The following DNER variants were observed in gnomAD, a reference collection of about 807,000 sequenced individuals.
The protein encoded by DNER is delta/notch like EGF repeat containing, also known as delta and Notch-like epidermal growth factor-related receptor.
In DNER, 33 loss-of-function variants were observed where a neutral mutation model predicts 78.2. That is an observed-to-expected ratio of 0.42 (90% CI 0.32 to 0.56). The LOEUF is 0.56. DNER is among the 20% of genes least tolerant of loss of function. DNER has a pLI of 0.11. For synonymous variants in DNER, 417 were observed against 384.8 expected, an observed-to-expected ratio of 1.08 and a Z score of -0.98; for missense variants, 918 against 975.3, an observed-to-expected ratio of 0.94 and a Z score of 0.78.
At chr2:229,521,720 A>G (rs1466538893) in intron 5 of DNER, among the ~76,000 whole-genome samples, 2 of 152,218 alleles carry the variant, frequency 1.3e-5, no homozygotes, top group Non-Finnish European at 2.9e-5. Context: ...TGAGAATTCC[A>G]TGTATAATGT....
chr2:229,465,361 A>G lies in DNER; in HGVS notation c.1261+11779T>C, dbSNP rs77090700. On this transcript the variant is annotated intron_variant, in intron 7 of 12. Coordinates refer to ENST00000341772, the MANE Select transcript of DNER (RefSeq NM_139072.4). ...GACCAAGCACCACATATTCTCACTT[A>G]TAAGTGGGAGCTGAGCAATGAGAAC... Among the ~76,000 whole-genome samples the G allele has an allele frequency of 5.5e-3, 840 of 152,316 alleles. 10 individuals are homozygous for G. The highest frequency in any genetic ancestry group is 0.019 in the African/African-American group (789 of 41,566).
chr2:229,389,130 T>G (rs898734727), intron 10 of DNER, among the ~76,000 whole-genome samples: 5 of 151,988 alleles, frequency 3.3e-5, no homozygotes, highest in Admixed American at 2.6e-4. Context: ...TGAGAAATGG[T>G]GGTCCAAGGG....
At chr2:229,542,397 C>A (rs112533189) in intron 5 of DNER, among the ~76,000 whole-genome samples, 1,894 of 152,290 alleles carry the variant, frequency 0.012, 39 homozygotes, top group Middle Eastern at 0.048. Context: ...AGCTTTATCA[C>A]AAACCACCCA....
At chr2:229,442,344 T>C (rs1694252212) in intron 8 of DNER, among the ~76,000 whole-genome samples, 1 of 152,060 alleles carries the variant, frequency 6.6e-6, no homozygotes, top group Admixed American at 6.5e-5. Flanking sequence ...TGAAACCCCA[T>C]CTTTACTAAA....
chr2:229,557,513 C>T (rs1323621511), intron 4 of DNER, among the ~76,000 whole-genome samples: 1 of 152,070 alleles, frequency 6.6e-6, no homozygotes, highest in African/African-American at 2.4e-5. Context: ...ACCTGCATTC[C>T]CATGGTCTTT....
chr2:229,520,644 T>TA (rs1696076980), intron 5 of DNER, among the ~76,000 whole-genome samples: 1 of 152,170 alleles, frequency 6.6e-6, no homozygotes, highest in African/African-American at 2.4e-5. Context: ...AGAATCTGGC[T>TA]AAGTACCAAG....
chr2:229,422,972 G>A (rs1574836689), intron 8 of DNER, among the ~76,000 whole-genome samples: 2 of 152,110 alleles, frequency 1.3e-5, no homozygotes, highest in South Asian at 4.1e-4. Flanking sequence ...AGGCTCTAAT[G>A]AGCAAGAATG....
intron 11 of DNER, among the ~76,000 whole-genome samples, chr2:229,369,458 A>G (rs1310246800): frequency 6.6e-6 from 1 of 152,054 alleles, no homozygotes; most frequent in Non-Finnish European, 1.5e-5. Flanking sequence ...AAGTCAAAAA[A>G]AAAGTTTCAA....
At chr2:229,520,093 T>C (rs1696064559) in intron 5 of DNER, among the ~76,000 whole-genome samples, 1 of 152,206 alleles carries the variant, frequency 6.6e-6, no homozygotes, top group African/African-American at 2.4e-5. Flanking sequence ...CCTTGATGTC[T>C]GAGACTCTAG....
In DNER at chr2:229,396,283, C is replaced by G. The variant is rs1693138865; in HGVS notation, c.1724-7887G>C. Among the ~76,000 whole-genome samples the G allele has an allele frequency of 2.9e-5, 4 of 139,762 alleles. No individual in the cohort carries two copies. In the Admixed American group the frequency reaches 3.1e-4, roughly 11 times the overall value. The allele number at this position is 139,762 out of a possible 152,430, so 91.7% of individuals were successfully genotyped here. On this transcript the variant is annotated intron_variant, in intron 10 of 12. Coordinates refer to ENST00000341772, the MANE Select transcript of DNER (RefSeq NM_139072.4). ...TTTACCAGGAAGATAGAAACCAACT[C>G]AAATGCCTTTTAGTTTACACGACTT...
intron 6 of DNER, among the ~76,000 whole-genome samples, chr2:229,477,689 G>T (rs150075488): frequency 2.4e-4 from 36 of 152,292 alleles, no homozygotes; most frequent in African/African-American, 8.2e-4. Context: ...AAAATGTCTA[G>T]GTATGAGCAG....
chr2:229,421,654 G>GAC (rs1693767945), intron 8 of DNER, among the ~76,000 whole-genome samples: 1 of 104,788 alleles, frequency 9.5e-6, no homozygotes, highest in African/African-American at 3.5e-5. Flanking sequence ...TAGAGAGAGA[G>GAC]AGAGAGAGAA....
Position 229,471,355 on chromosome 2 carries a change from G to GAA in DNER, c.1261+5783_1261+5784dup, listed in dbSNP as rs5839333. Among the ~76,000 whole-genome samples the GAA allele has an allele frequency of 5.4e-3, 813 of 151,018 alleles. 8 individuals carry two copies. The highest frequency in any genetic ancestry group is 0.018 in the African/African-American group (746 of 41,098). ...GCTAGGTTACCCAAGGCTATAAAATGAAAAAAAAAAATAGTTTTGTAAATG... is the reference window on the plus strand; with the variant it reads ...GCTAGGTTACCCAAGGCTATAAAATGAAAAAAAAAAAAATAGTTTTGTAAATG... On this transcript the variant is annotated intron_variant, in intron 7 of 12. Coordinates refer to ENST00000341772, the MANE Select transcript of DNER (RefSeq NM_139072.4).
At chr2:229,394,937 C>T (rs1693100563) in intron 10 of DNER, among the ~76,000 whole-genome samples, 1 of 152,206 alleles carries the variant, frequency 6.6e-6, no homozygotes, top group African/African-American at 2.4e-5. Context: ...CTTCCTCTTG[C>T]CACCCTCGAT....
At chr2:229,642,428 T>TG (rs904734930) in intron 1 of DNER, among the ~76,000 whole-genome samples, 1 of 152,062 alleles carries the variant, frequency 6.6e-6, no homozygotes, top group Admixed American at 6.6e-5. Flanking sequence ...GAAAATACTA[T>TG]GGGAAAAAAA....
chr2:229,372,424 G>A (rs147386771), intron 11 of DNER, among the ~76,000 whole-genome samples: 5 of 152,304 alleles, frequency 3.3e-5, no homozygotes, highest in East Asian at 1.9e-4. Flanking sequence ...AGGGGAGACT[G>A]CACAGGCAAA....
At chr2:229,602,138 C>T (rs1697837991) in intron 1 of DNER, among the ~76,000 whole-genome samples, 1 of 152,020 alleles carries the variant, frequency 6.6e-6, no homozygotes, top group South Asian at 2.1e-4. Flanking sequence ...TACAAAACCA[C>T]AATGCCATCA....
Position 229,447,351 on chromosome 2 carries a change from C to T in DNER, c.1451G>A (p.Ser484Asn), listed in dbSNP as rs1559354193. ...GAGGCATTTGTAGCTGGTGCCCACG[C>T]TGCGGCACGTGCCATGAGCACAGGG... ...LSPCAHGTCR[S>N]VGTSYKCLCD... is the part of the protein sequence containing the mutation. The change falls in exon 8 of 13, where the codon AGC becomes AAC. Residue 484 changes from serine (S) to asparagine (N), a missense_variant. Ser to Asn is a conservative substitution (Grantham distance 46). Transcript: ENST00000341772. 6.2e-7 allele frequency: 1 copy of T among 1,609,818 alleles called. No homozygotes were observed. Among genetic ancestry groups the T allele is most frequent in the South Asian group, 1.1e-5 (1 of 90,102 alleles).
intron 4 of DNER, among the ~76,000 whole-genome samples, chr2:229,547,368 G>A (rs1416582775): frequency 6.6e-6 from 1 of 152,198 alleles, no homozygotes; most frequent in African/African-American, 2.4e-5. Context: ...AACCACCTCA[G>A]ATCCTTTCGC....
Sources: gnomAD v4.1 joint callset for allele counts (sites outside exome capture counted in the v4.1 genomes callset) on GRCh38, gnomAD v4.1.1 for gene constraint, MANE v1.5 for transcripts, NCBI Gene and HGNC (gene_info 2026-07-23, HGNC 2026-07-21) for gene names.